The following DERA variants were observed in gnomAD, a reference collection of about 807,000 sequenced individuals.
The protein encoded by DERA is deoxyribose-phosphate aldolase.
In DERA, 15 loss-of-function variants were observed where a neutral mutation model predicts 41.1. The observed-to-expected ratio is 0.37, with a 90% CI of 0.24 to 0.56. DERA has a LOEUF of 0.56. Among genes scored for constraint, DERA ranks in the 20% least tolerant of loss-of-function variants. The pLI is 0.81. For synonymous variants in DERA, 139 were observed against 137.4 expected (o/e 1.01, Z -0.08); for missense variants, 396 against 403.4 (o/e 0.98, Z 0.16).
At chr12:15,960,032 A>G (rs1263440730) in intron 4 of DERA, 108 bp downstream of exon 4, 8 of 753,640 alleles carry the variant, frequency 1.1e-5, no homozygotes, top group African/African-American at 3.5e-5. Context: ...TAGTTTATGT[A>G]TTTAATTAGT....
In DERA at chr12:15,990,604, C is replaced by A. The variant is rs559177907; in HGVS notation, c.637+8168C>A. Among the ~76,000 whole-genome samples the A allele has an allele frequency of 7.9e-5, 12 of 152,218 alleles. No individual in the cohort carries two copies. Among genetic ancestry groups the A allele is most frequent in the Non-Finnish European group, 1.5e-4 (10 of 68,026 alleles). ...TTTTCTGATCCTCTTCCTCCTTCCA[C>A]CCTCCAAACTCCAAAAGACCCCAGT... On this transcript the variant is annotated intron_variant, in intron 6 of 8. Coordinates refer to ENST00000428559, the MANE Select transcript of DERA (RefSeq NM_015954.4). The surrounding 1 kb of genome is among the most constrained non-coding windows in gnomAD (Gnocchi z 4.3).
At position 15,958,378 on chromosome 12, in the gene DERA, A is replaced by G. The variant is rs1244586218; in HGVS notation, c.277+43A>G. On this transcript the variant is annotated intron_variant, in intron 3 of 8. Transcript: ENST00000428559. Reference sequence around the variant, plus strand: ...GATCTATGTGGTGTTTAGTGCTTACAATACTGATTACTAAATCAAAGACGA... The same window carrying G: ...GATCTATGTGGTGTTTAGTGCTTACGATACTGATTACTAAATCAAAGACGA... 4 of 1,479,126 alleles carry G rather than the reference A, an allele frequency of 2.7e-6. No individual in the cohort carries two copies. The South Asian group carries it at 5.8e-5, about 21-fold the overall frequency. The allele number at this position is 1,479,126 out of a possible 1,614,324, so 91.6% of individuals were successfully genotyped here.
At position 15,936,774 on chromosome 12, in the gene DERA, A is replaced by G. The variant is rs1948367048; in HGVS notation, c.32-20162A>G. On this transcript the variant is annotated intron_variant, in intron 1 of 8. Transcript: ENST00000428559. This position sits in a 1 kb window ranked among gnomAD's most constrained non-coding sequence, Gnocchi z 4.6. Reference sequence around the variant, plus strand: ...TTATACTGGGTTATGTTTTGTGTAGATTGTCTCACCACCCGGATTTGTCTG... The same window carrying G: ...TTATACTGGGTTATGTTTTGTGTAGGTTGTCTCACCACCCGGATTTGTCTG... Among the ~76,000 whole-genome samples the G allele has an allele frequency of 6.6e-6, 1 of 151,598 alleles. No homozygotes were observed. The highest frequency in any genetic ancestry group is 1.9e-4 in the East Asian group (1 of 5,160).
In DERA at chr12:16,032,531, T is replaced by C. The variant is rs113950830; in HGVS notation, c.638-11T>C. The C allele has an allele frequency of 3.7e-6, 1 of 271,170 alleles. No individual in the cohort carries two copies. Among genetic ancestry groups the C allele is most frequent in the Non-Finnish European group, 6.6e-6 (1 of 150,714 alleles). The allele number at this position is 271,170 out of a possible 1,614,324, so 16.8% of individuals were successfully genotyped here. On this transcript the variant is annotated splice_polypyrimidine_tract_variant and intron_variant, in intron 6 of 8. Transcript: ENST00000428559. ...TTAATTAACATGGAGTTTTTCCTCT[T>C]TTTGTTTTAGGATCAGATTTTATTA...
chr12:15,935,393 G>A lies in DERA; in HGVS notation c.32-21543G>A, dbSNP rs1948357503. 6.6e-6 allele frequency among the ~76,000 whole-genome samples: 1 copy of A among 152,072 alleles called. No individual in the cohort carries two copies. The highest frequency in any genetic ancestry group is 6.6e-5 in the Admixed American group (1 of 15,266). On this transcript the variant is annotated intron_variant, in intron 1 of 8. Transcript: ENST00000428559. The surrounding 1 kb of genome is among the most constrained non-coding windows in gnomAD (Gnocchi z 4.8). ...TCCTACCTACTTGGGAGGCTGAGCT[G>A]GGAGGATTGCTTGAACCCGGGAGGT...
chr12:15,975,105 T>G (rs888545971), intron 5 of DERA, among the ~76,000 whole-genome samples: 5 of 152,164 alleles, frequency 3.3e-5, no homozygotes, highest in Admixed American at 2.0e-4. Flanking sequence ...AGACGGAAAT[T>G]ACAGTAGAGA....
Position 15,972,519 on chromosome 12 carries a change from G to T in DERA, c.508+9572G>T. On this transcript the variant is annotated intron_variant, in intron 5 of 8. Transcript: ENST00000428559. This position sits in a 1 kb window ranked among gnomAD's most constrained non-coding sequence, Gnocchi z 4.4. ...ACCTCCTTGCCCAGGAAGTTTTGCG[G>T]GTAGCAGAAGCTGACTTCCCGCAGA... is the stretch of plus-strand genomic sequence containing the variant. 1 of 154,508 alleles carries T rather than the reference G, an allele frequency of 6.5e-6. No homozygotes were observed. Among genetic ancestry groups the T allele is most frequent in the South Asian group, 1.8e-4 (1 of 5,506 alleles). The allele number at this position is 154,508 out of a possible 1,614,324, so 9.6% of individuals were successfully genotyped here.
At position 15,962,840 on chromosome 12, in the gene DERA, C is replaced by T; in HGVS notation, c.401C>T (p.Thr134Ile). 6.4e-7 allele frequency: 1 copy of T among 1,556,210 alleles called. No individual in the cohort carries two copies. Among genetic ancestry groups the T allele is most frequent in the East Asian group, 2.4e-5 (1 of 41,808 alleles). ...SVAAGFPAGQTHLKTRLEEIR... is the reference protein window; with the variant it reads ...SVAAGFPAGQIHLKTRLEEIR... ...GCCGCTGGATTTCCAGCTGGACAGA[C>T]TCATTTGAAGACACGATTAGAAGAG... The change falls in exon 5 of 9, where the codon ACT becomes ATT. Residue 134 changes from threonine (T) to isoleucine (I), a missense_variant. Transcript: ENST00000428559.
chr12:15,946,040 G>GCA, intron 1 of DERA, among the ~76,000 whole-genome samples: 7 of 152,108 alleles, frequency 4.6e-5, no homozygotes, highest in Admixed American at 6.5e-5. Context: ...TTATTGATTT[G>GCA]TGTACGTTGA....
intron 6 of DERA, among the ~76,000 whole-genome samples, chr12:16,018,899 T>C (rs1320300866): frequency 1.3e-5 from 2 of 152,184 alleles, no homozygotes; most frequent in East Asian, 3.8e-4. Context: ...TTTCATCTCT[T>C]AGTTTAGTCA....
chr12:15,949,550 G>A (rs1948480823), intron 1 of DERA, among the ~76,000 whole-genome samples: 1 of 152,230 alleles, frequency 6.6e-6, no homozygotes, highest in South Asian at 2.1e-4. Context: ...GATTCGAAAA[G>A]CACAGTGTTA....
chr12:15,964,316 G>A (rs1220330544), intron 5 of DERA, among the ~76,000 whole-genome samples: 2 of 152,164 alleles, frequency 1.3e-5, no homozygotes, highest in African/African-American at 2.4e-5. Context: ...TTTTAGCTTG[G>A]AATATTAACT....
chr12:16,036,855 T>TTCC lies in DERA; in HGVS notation c.*112_*114dup. On this transcript the variant is annotated 3_prime_UTR_variant, in exon 9 of 9. Coordinates refer to ENST00000428559, the MANE Select transcript of DERA (RefSeq NM_015954.4). This position sits in a 1 kb window ranked among gnomAD's most constrained non-coding sequence, Gnocchi z 4.9. The stretch of plus-strand genomic sequence containing the variant: ...AAAATTGGGCAGTAGGTAACTGGCA[T>TTCC]TCCTCTCTTTAAAATTTCTACCGAA... 2 of 775,322 alleles carry TTCC rather than the reference T, an allele frequency of 2.6e-6. No individual in the cohort carries two copies. Among genetic ancestry groups the TTCC allele is most frequent in the Non-Finnish European group, 4.2e-6 (2 of 473,604 alleles). The allele number at this position is 775,322 out of a possible 1,614,324, so 48.0% of individuals were successfully genotyped here.
chr12:15,918,549 A>G lies in DERA; in HGVS notation c.31+7135A>G, dbSNP rs1252011942. On this transcript the variant is annotated intron_variant, in intron 1 of 8. Coordinates refer to ENST00000428559, the MANE Select transcript of DERA (RefSeq NM_015954.4). The surrounding 1 kb of genome is among the most constrained non-coding windows in gnomAD (Gnocchi z 4.3). ...TGGGAAGGGGAAGGGGGCCAGAATA[A>G]TTTGTTTTTTTTAATTTTTAAAATG... Among the ~76,000 whole-genome samples the G allele has an allele frequency of 6.6e-6, 1 of 152,164 alleles. No individual in the cohort carries two copies. The highest frequency in any genetic ancestry group is 1.5e-5 in the Non-Finnish European group (1 of 68,040).
At chr12:15,960,296 A>G (rs1457032456) in intron 4 of DERA, among the ~76,000 whole-genome samples, 1 of 150,506 alleles carries the variant, frequency 6.6e-6, no homozygotes, top group African/African-American at 2.4e-5. Context: ...ATACTAACAC[A>G]CACATGTATG....
chr12:15,957,494 T>C lies in DERA; in HGVS notation c.129+461T>C, dbSNP rs1386526879. Among the ~76,000 whole-genome samples, 4 of 152,160 alleles carry C rather than the reference T, an allele frequency of 2.6e-5. No homozygotes were observed. Among genetic ancestry groups the C allele is most frequent in the African/African-American group, 9.7e-5 (4 of 41,440 alleles). On this transcript the variant is annotated intron_variant, in intron 2 of 8. Transcript: ENST00000428559. The surrounding 1 kb of genome is among the most constrained non-coding windows in gnomAD (Gnocchi z 4.8). ...AAATCATTTTTCAAAATTCCAAAAA[T>C]GATGTTTCGTAGAGTACTTGCGGTC...
chr12:15,911,666 C>A lies in DERA; in HGVS notation c.31+252C>A. ...GAGTAGGAAAGGGTTAGATTATTAT[C>A]TTCCTGCCTTTTCGTTCACTCTAGC... On this transcript the variant is annotated intron_variant, in intron 1 of 8. Coordinates refer to ENST00000428559, the MANE Select transcript of DERA (RefSeq NM_015954.4). This position sits in a 1 kb window ranked among gnomAD's most constrained non-coding sequence, Gnocchi z 4.5. 2 of 688,308 alleles carry A rather than the reference C, an allele frequency of 2.9e-6. No individual in the cohort carries two copies. Among genetic ancestry groups the A allele is most frequent in the South Asian group, 3.0e-5 (2 of 66,616 alleles). The allele number at this position is 688,308 out of a possible 1,614,324, so 42.6% of individuals were successfully genotyped here.
chr12:15,946,405 A>C (rs936637003), intron 1 of DERA, among the ~76,000 whole-genome samples: 3 of 152,046 alleles, frequency 2.0e-5, no homozygotes, highest in African/African-American at 7.2e-5. Context: ...TCAATTTCAG[A>C]GCCTGTTATT....
chr12:16,006,763 G>T lies in DERA; in HGVS notation c.637+24327G>T, dbSNP rs140266121. Among the ~76,000 whole-genome samples, 15 of 152,366 alleles carry T rather than the reference G, an allele frequency of 9.8e-5. No homozygotes were observed. The East Asian group carries it at 2.9e-3, about 29-fold the overall frequency. On this transcript the variant is annotated intron_variant, in intron 6 of 8. Transcript: ENST00000428559. ...TGCTGAGCACATAGCCTAGAACATG[G>T]TAGTCATTCACAGATATTTCTGATG...
Sources: gnomAD v4.1 joint callset for allele counts (sites outside exome capture counted in the v4.1 genomes callset) on GRCh38, gnomAD v4.1.1 for gene constraint, Gnocchi (gnomAD v3.1) non-coding constraint, MANE v1.5 for transcripts, NCBI Gene and HGNC (gene_info 2026-07-23, HGNC 2026-07-21) for gene names.